The following RNF115 variants were observed in gnomAD, a reference collection of about 807,000 sequenced individuals.
RNF115 encodes ring finger protein 115.
RNF115 carries 31 observed loss-of-function variants against 39.2 expected under a neutral mutation model. The ratio of observed to expected loss-of-function variants is 0.79; its 90% CI spans 0.59 to 1.07. The LOEUF is 1.07. Among genes scored for constraint, RNF115 ranks in the 50% least tolerant of loss-of-function variants. The pLI is 0.00. For synonymous variants in RNF115, 124 were observed against 131.0 expected, an observed-to-expected ratio of 0.95 and a Z score of 0.37; for missense variants, 384 against 381.7, an observed-to-expected ratio of 1.01 and a Z score of -0.05.
intron 1 of RNF115, among the ~76,000 whole-genome samples, chr1:145,793,541 C>T (rs1241572180): frequency 2.0e-5 from 3 of 152,098 alleles, no homozygotes; most frequent in African/African-American, 7.2e-5. Flanking sequence ...CCAACTCCCC[C>T]CAAATGTGTA....
In RNF115 at chr1:145,743,798, A is replaced by G. The variant is rs1286806759; in HGVS notation, c.*3068T>C. ...TCCATCTCAAAAAATAAATAAATAA[A>G]TAAATAAATAAATAAATAATAATAA... On this transcript the variant is annotated 3_prime_UTR_variant, in exon 9 of 9. Coordinates refer to ENST00000582693, the MANE Select transcript of RNF115 (RefSeq NM_014455.4). 2 of 43,070 alleles carry G rather than the reference A, an allele frequency of 4.6e-5. No homozygotes were observed. Among genetic ancestry groups the G allele is most frequent in the African/African-American group, 1.3e-4 (2 of 14,932 alleles). The allele number at this position is 43,070 out of a possible 1,614,324, so 2.7% of individuals were successfully genotyped here.
intron 4 of RNF115, among the ~76,000 whole-genome samples, chr1:145,766,623 G>A (rs1389038908): frequency 2.0e-5 from 3 of 150,020 alleles, no homozygotes; most frequent in Non-Finnish European, 4.5e-5. Context: ...CGGGCGGGGG[G>A]CTGACCCCCC....
At position 145,744,615 on chromosome 1, in the gene RNF115, G is replaced by A. The variant is rs12123298; in HGVS notation, c.*2251C>T. 0.27 allele frequency: 41,494 copies of A among 151,904 alleles called. 7,138 individuals carry two copies. Among genetic ancestry groups the A allele is most frequent in the Non-Finnish European group, 0.37 (25,296 of 67,924 alleles). The allele number at this position is 151,904 out of a possible 1,614,324, so 9.4% of individuals were successfully genotyped here. A position where few individuals can be genotyped will look rare whatever the true frequency, so the allele number is the denominator to read the frequency against. On this transcript the variant is annotated 3_prime_UTR_variant, in exon 9 of 9. Transcript: ENST00000582693. ...GAAACGTTATCTCTAGCCCCCTTCC[G>A]TCACCCACAAATCAGCGTATGATAG...
chr1:145,756,951 T>C (rs1302325679), intron 4 of RNF115, among the ~76,000 whole-genome samples: 3 of 146,336 alleles, frequency 2.1e-5, no homozygotes, highest in Non-Finnish European at 3.0e-5. Flanking sequence ...TTCTCACGCC[T>C]CGGCCTCCTG....
chr1:145,788,164 C>T (rs1648480280), intron 2 of RNF115, among the ~76,000 whole-genome samples: 1 of 152,098 alleles, frequency 6.6e-6, no homozygotes, highest in African/African-American at 2.4e-5. Context: ...TCACTGCAAC[C>T]TCCACCTCCC....
chr1:145,787,861 T>C (rs1351146614), intron 2 of RNF115, among the ~76,000 whole-genome samples: 1 of 151,650 alleles, frequency 6.6e-6, no homozygotes, highest in African/African-American at 2.4e-5. Context: ...TGCACTCCAA[T>C]CTGGCAACAG....
chr1:145,748,221 C>T, intron 7 of RNF115, 111 bp from the exon 8 acceptor site: 1 of 718,400 alleles, frequency 1.4e-6, no homozygotes, highest in Non-Finnish European at 2.4e-6. Context: ...ACACAAGAGA[C>T]AAAAGAAAAT....
chr1:145,776,680 CAA>C (rs1209262404), intron 3 of RNF115, among the ~76,000 whole-genome samples: 1 of 151,758 alleles, frequency 6.6e-6, no homozygotes, highest in Non-Finnish European at 1.5e-5. Flanking sequence ...ACTAAAAATA[CAA>C]AAAGTTAGCT....
chr1:145,758,156 A>G (rs782209525), intron 4 of RNF115, among the ~76,000 whole-genome samples: 2 of 152,320 alleles, frequency 1.3e-5, no homozygotes, highest in South Asian at 2.1e-4. Flanking sequence ...TGTAGCAGGA[A>G]TGACAGTGTG....
In RNF115 at chr1:145,801,487, C is replaced by T. The variant is rs587697618; in HGVS notation, c.103-12521G>A. 7.2e-5 allele frequency among the ~76,000 whole-genome samples: 11 copies of T among 152,126 alleles called. No individual in the cohort carries two copies. The South Asian group carries it at 2.1e-3, about 29-fold the overall frequency. On this transcript the variant is annotated intron_variant, in intron 1 of 8. Transcript: ENST00000582693. ...GGCTGAGGCAGGAGAATTGCTTGAACCCAGGAGGCAGAGGTTGCAGTGAGT... is the reference window on the plus strand; with the variant it reads ...GGCTGAGGCAGGAGAATTGCTTGAATCCAGGAGGCAGAGGTTGCAGTGAGT...
chr1:145,759,485 C>T lies in RNF115; in HGVS notation c.429-6436G>A, dbSNP rs1658422812. On this transcript the variant is annotated intron_variant, in intron 4 of 8. Transcript: ENST00000582693. ...GTCATAACTCTTCTTTCTGTTACAC[C>T]CCACATCCAATCTGTCAGTAACTCC... is the stretch of plus-strand genomic sequence containing the variant. Among the ~76,000 whole-genome samples the T allele has an allele frequency of 2.0e-5, 3 of 152,218 alleles. No individual in the cohort carries two copies. In the South Asian group the frequency reaches 6.2e-4, roughly 32 times the overall value.
At chr1:145,802,179 T>C (rs1649277228) in intron 1 of RNF115, among the ~76,000 whole-genome samples, 1 of 152,154 alleles carries the variant, frequency 6.6e-6, no homozygotes, top group Admixed American at 6.6e-5. Context: ...AACCCAACTG[T>C]TTCCACCAAA....
intron 2 of RNF115, chr1:145,787,133 G>A: frequency 1.5e-6 from 1 of 667,450 alleles, no homozygotes; most frequent in Non-Finnish European, 2.4e-6. Context: ...AAGATTAAGA[G>A]GCTTCAGATT....
chr1:145,798,722 T>C (rs1373546201), intron 1 of RNF115, among the ~76,000 whole-genome samples: 5 of 152,214 alleles, frequency 3.3e-5, no homozygotes, highest in African/African-American at 1.2e-4. Flanking sequence ...TTTTGATAGG[T>C]ATTCTGTTGA....
chr1:145,760,054 C>T (rs182990547), intron 4 of RNF115, among the ~76,000 whole-genome samples: 6 of 152,272 alleles, frequency 3.9e-5, no homozygotes, highest in Admixed American at 2.6e-4. Flanking sequence ...TTAAGCTCCA[C>T]GAGGGCAGTC....
chr1:145,778,364 T>C (rs1343189740), intron 3 of RNF115, among the ~76,000 whole-genome samples: 1 of 152,168 alleles, frequency 6.6e-6, no homozygotes, highest in Non-Finnish European at 1.5e-5. Context: ...CTAATGTGTA[T>C]GGGGATTCTT....
chr1:145,813,306 T>G (rs1400405198), intron 1 of RNF115, among the ~76,000 whole-genome samples: 1 of 151,464 alleles, frequency 6.6e-6, no homozygotes, highest in African/African-American at 2.4e-5. Context: ...AACCAAGAAT[T>G]TGAAGAAACT....
intron 4 of RNF115, among the ~76,000 whole-genome samples, chr1:145,762,632 G>C (rs1658577411): frequency 6.6e-6 from 1 of 151,646 alleles, no homozygotes; most frequent in Admixed American, 6.6e-5. Flanking sequence ...GGCTATTTCT[G>C]GATAAGGCTG....
intron 4 of RNF115, among the ~76,000 whole-genome samples, chr1:145,767,906 G>A (rs1158291638): frequency 1.3e-5 from 2 of 152,190 alleles, no homozygotes; most frequent in Non-Finnish European, 1.5e-5. Flanking sequence ...AGGTTGCAGT[G>A]AGCCGAGATG....
Sources: gnomAD v4.1 joint callset for allele counts (sites outside exome capture counted in the v4.1 genomes callset) on GRCh38, gnomAD v4.1.1 for gene constraint, MANE v1.5 for transcripts, NCBI Gene and HGNC (gene_info 2026-07-23, HGNC 2026-07-21) for gene names.